Variants in GPCPD1 observed in about 807,000 individuals in gnomAD.
The protein encoded by GPCPD1 is glycerophosphocholine phosphodiesterase 1.
In GPCPD1, 29 loss-of-function variants were observed where a neutral mutation model predicts 89.2. The ratio of observed to expected loss-of-function variants is 0.33; its 90% confidence interval spans 0.24 to 0.44. The LOEUF (loss-of-function observed/expected upper bound fraction) is 0.44, where lower values mean the gene tolerates loss of function less well. GPCPD1 is among the 20% of genes least tolerant of loss of function. GPCPD1 has a pLI of 1.00. For synonymous variants in GPCPD1, 258 were observed against 266.3 expected, an observed-to-expected ratio of 0.97 and a Z score of 0.30; for missense variants, 594 against 808.9, an observed-to-expected ratio of 0.73 and a Z score of 3.22.
chr20:5,603,364 T>C (rs1600808529), intron 2 of GPCPD1, among the ~76,000 whole-genome samples: 1 of 151,818 alleles, frequency 6.6e-6, no homozygotes, highest in East Asian at 1.9e-4. Context: ...CTCCAAGAGG[T>C]GCTATAAAAT....
chr20:5,571,908 CA>C lies in GPCPD1; in HGVS notation c.1057-1670del, dbSNP rs34332278. Among the ~76,000 whole-genome samples the C allele has an allele frequency of 2.9e-3, 364 of 125,606 alleles. 1 individual carries two copies. Among genetic ancestry groups the C allele is most frequent in the African/African-American group, 6.5e-3 (218 of 33,598 alleles). 82.4% of individuals were successfully genotyped at this position (125,606 alleles called of 152,430 possible). A position where few individuals can be genotyped will look rare whatever the true frequency, so the allele number is the denominator to read the frequency against. On this transcript the variant is annotated intron_variant, in intron 11 of 19. Coordinates refer to ENST00000379019, the MANE Select transcript of GPCPD1 (RefSeq NM_019593.5). ...TGAGTGACAGAACAAAACTCCATCT[CA>C]AAAAAAAAAAAAATTTAACAGGGTC...
At chr20:5,586,304 C>A in intron 4 of GPCPD1, 35 bp from the exon 5 acceptor site, 1 of 1,174,316 alleles carries the variant, frequency 8.5e-7, no homozygotes, top group Non-Finnish European at 1.3e-6. Flanking sequence ...GCAATAATTT[C>A]TTATATCTTA....
At position 5,575,531 on chromosome 20, in the gene GPCPD1, T is replaced by C; in HGVS notation, c.883A>G (p.Ile295Val). ...CAACTGTATCCTGGTAATGGCTTAA[T>C]AATTATATAGTCAACTTTCATAGGA... ...IGKVRVDYII[I>V]KPLPGYSCDM... Residue 295 changes from isoleucine (I) to valine (V), a missense_variant, in exon 10 of 20, where the codon ATT becomes GTT. Physicochemically the swap from Ile to Val is conservative, Grantham distance 29. Coordinates refer to ENST00000379019, the MANE Select transcript of GPCPD1 (RefSeq NM_019593.5). 1 of 1,580,932 alleles carries C rather than the reference T, an allele frequency of 6.3e-7. No individual in the cohort carries two copies.
intron 3 of GPCPD1, among the ~76,000 whole-genome samples, chr20:5,595,946 C>A (rs1979693345): frequency 6.6e-6 from 1 of 152,144 alleles, no homozygotes; most frequent in African/African-American, 2.4e-5. Context: ...GCCATTATTT[C>A]TCAATCTCCA....
At chr20:5,558,373 G>A (rs1049165974) in intron 18 of GPCPD1, among the ~76,000 whole-genome samples, 1 of 152,030 alleles carries the variant, frequency 6.6e-6, no homozygotes, top group African/African-American at 2.4e-5. Flanking sequence ...ACCAAAACAA[G>A]TTCACGTTCA....
At chr20:5,564,050 C>T (rs559151676) in intron 15 of GPCPD1, among the ~76,000 whole-genome samples, 4 of 152,000 alleles carry the variant, frequency 2.6e-5, no homozygotes, top group South Asian at 2.1e-4. Flanking sequence ...AAAAAGACAA[C>T]GAGAAAGACC....
chr20:5,546,182 C>T lies in GPCPD1; in HGVS notation c.*1479G>A, dbSNP rs930024626. ...TTTGCATTAATATCAACGTTACAAA[C>T]GCAATACCATAGGATTTCAGAGCCT... On this transcript the variant is annotated 3_prime_UTR_variant, in exon 20 of 20. Coordinates refer to ENST00000379019, the MANE Select transcript of GPCPD1 (RefSeq NM_019593.5). 5.9e-5 allele frequency: 9 copies of T among 152,192 alleles called. No individual in the cohort carries two copies. Among genetic ancestry groups the T allele is most frequent in the Non-Finnish European group, 8.8e-5 (6 of 68,028 alleles). The allele number at this position is 152,192 out of a possible 1,614,324, so 9.4% of individuals were successfully genotyped here.
intron 15 of GPCPD1, among the ~76,000 whole-genome samples, chr20:5,563,868 C>T (rs1986226285): frequency 6.6e-6 from 1 of 152,158 alleles, no homozygotes; most frequent in African/African-American, 2.4e-5. Flanking sequence ...GGTCACTTCT[C>T]TCCTTTCTAA....
At chr20:5,586,865 C>T (rs1322868914) in intron 4 of GPCPD1, among the ~76,000 whole-genome samples, 4 of 152,088 alleles carry the variant, frequency 2.6e-5, no homozygotes, top group African/African-American at 7.2e-5. Context: ...CTAAAGAACA[C>T]GGGAAATTCT....
At chr20:5,581,360 A>G (rs1175425628) in intron 6 of GPCPD1, among the ~76,000 whole-genome samples, 3 of 152,248 alleles carry the variant, frequency 2.0e-5, no homozygotes, top group African/African-American at 7.2e-5. Context: ...TAAAATATTC[A>G]TATTGAATCC....
At chr20:5,608,505 G>A (rs973447915) in intron 1 of GPCPD1, among the ~76,000 whole-genome samples, 2 of 151,992 alleles carry the variant, frequency 1.3e-5, no homozygotes, top group Non-Finnish European at 2.9e-5. Flanking sequence ...CAGTGTTGTA[G>A]TATACAATTT....
intron 8 of GPCPD1, 150 bp downstream of exon 8, chr20:5,578,230 T>G: frequency 1.6e-6 from 1 of 611,476 alleles, no homozygotes; most frequent in Non-Finnish European, 2.9e-6. Context: ...AGATGACAAC[T>G]CTAAGTTTTT....
At chr20:5,548,239 G>A (rs534959512) in intron 19 of GPCPD1, 46 of 155,002 alleles carry the variant, frequency 3.0e-4, no homozygotes, top group East Asian at 1.7e-3. Flanking sequence ...ACTAAAGATC[G>A]AGATAAGAAG....
chr20:5,558,798 T>C lies in GPCPD1; in HGVS notation c.1554A>G (p.Lys518=), dbSNP rs1985920286. 6.4e-7 allele frequency: 1 copy of C among 1,572,662 alleles called. No individual in the cohort carries two copies. Among genetic ancestry groups the C allele is most frequent in the Non-Finnish European group, 8.6e-7 (1 of 1,157,512 alleles). ...CTTGAGTTAAAAATAGTATCGGATA[T>C]TTGTTCTGCTTTTGCCGAACCCTGA... ...ICTMVRQKQN[K]YPILFLTQGK... Residue 518 remains lysine, a synonymous_variant, in exon 18 of 20, where the codon AAA becomes AAG. Coordinates refer to ENST00000379019, the MANE Select transcript of GPCPD1 (RefSeq NM_019593.5).
intron 10 of GPCPD1, among the ~76,000 whole-genome samples, chr20:5,574,349 T>G (rs186139958): frequency 1.1e-3 from 171 of 152,144 alleles, no homozygotes; most frequent in Admixed American, 3.0e-3. Flanking sequence ...TGGCAGACTG[T>G]GGGGGAATGA....
At chr20:5,569,509 C>A (rs557174136) in intron 12 of GPCPD1, among the ~76,000 whole-genome samples, 7 of 150,960 alleles carry the variant, frequency 4.6e-5, no homozygotes, top group African/African-American at 1.7e-4. Flanking sequence ...TCCCCCCCCG[C>A]CATTATGCCC....
intron 3 of GPCPD1, among the ~76,000 whole-genome samples, chr20:5,595,166 A>G (rs1979624611): frequency 6.6e-6 from 1 of 152,246 alleles, no homozygotes; most frequent in Admixed American, 6.5e-5. Flanking sequence ...TTTTTTAGCA[A>G]TAAAGTATTT....
At chr20:5,570,314 A>AT in intron 11 of GPCPD1, 75 bp from the exon 12 acceptor site, 1 of 687,420 alleles carries the variant, frequency 1.5e-6, no homozygotes, top group Non-Finnish European at 2.5e-6. Flanking sequence ...AACGTAAGAA[A>AT]TTTTTGTTCA....
rs1218263713 is a variant in GPCPD1, at chr20:5,547,690, T to C, written c.1990A>G (p.Asn664Asp). Residue 664 changes from asparagine (N) to aspartate (D), a missense_variant, in exon 20 of 20, where the codon AAC becomes GAC. Physicochemically the swap from Asn to Asp is conservative, Grantham distance 23. Coordinates refer to ENST00000379019, the MANE Select transcript of GPCPD1 (RefSeq NM_019593.5). ...CGESDIHVDANGIDNVENA is the reference protein window; with the variant it reads ...CGESDIHVDADGIDNVENA ...GCATTCTCCACGTTATCAATGCCGT[T>C]GGCATCCACATGGATATCAGACTCC... The C allele has an allele frequency of 6.2e-7, 1 of 1,607,356 alleles. No individual in the cohort carries two copies. The highest frequency in any genetic ancestry group is 8.5e-7 in the Non-Finnish European group (1 of 1,174,888).
Sources: gnomAD v4.1 joint callset for allele counts (sites outside exome capture counted in the v4.1 genomes callset) on GRCh38, gnomAD v4.1.1 for gene constraint, MANE v1.5 for transcripts, NCBI Gene and HGNC (gene_info 2026-07-23, HGNC 2026-07-21) for gene names.